Variants in EFCAB6 observed in about 807,000 individuals in gnomAD.
The protein encoded by EFCAB6 is EF-hand calcium-binding domain-containing protein 6.
In EFCAB6, 156 loss-of-function variants were observed where a neutral mutation model predicts 169.8. The observed-to-expected ratio is 0.92, with a 90% CI of 0.81 to 1.05. The LOEUF is 1.05. Ranked by LOEUF, EFCAB6 falls within the 50% of genes least tolerant of loss-of-function variation. The pLI is 0.00. For synonymous variants in EFCAB6, 698 were observed against 676.4 expected (o/e 1.03, Z -0.50); for missense variants, 1,800 against 1,829.1 (o/e 0.98, Z 0.29).
intron 5 of EFCAB6, 94 bp downstream of exon 5, chr22:43,765,211 G>T: frequency 1.2e-6 from 1 of 862,992 alleles, no homozygotes; most frequent in Non-Finnish European, 1.9e-6. Context: ...TCCATATATA[G>T]CTGTTGATAT....
chr22:43,638,881 G>A (rs1022668322), intron 17 of EFCAB6, among the ~76,000 whole-genome samples: 1 of 151,432 alleles, frequency 6.6e-6, no homozygotes, highest in Non-Finnish European at 1.5e-5. Context: ...TGCCTCCCGG[G>A]TTCAAGCTAT....
intron 5 of EFCAB6, among the ~76,000 whole-genome samples, chr22:43,763,720 G>T (rs999859684): frequency 1.1e-4 from 16 of 150,896 alleles, no homozygotes; most frequent in Non-Finnish European, 1.8e-4. Flanking sequence ...GCTTTTGTGG[G>T]TTTTTTTTCA....
At chr22:43,600,325 AGGGTTTGGAAAATGCC>A (rs1054324107) in intron 22 of EFCAB6, 62 bp from the exon 23 acceptor site, 2 of 1,549,460 alleles carry the variant, frequency 1.3e-6, no homozygotes, top group African/African-American at 2.7e-5. Flanking sequence ...GCTGATGCTC[AGGGTTTGGAAAATGCC>A]TGCACCATCC....
intron 18 of EFCAB6, among the ~76,000 whole-genome samples, chr22:43,632,754 C>CT (rs75087612): frequency 0.039 from 5,971 of 152,224 alleles, 137 homozygotes; most frequent in African/African-American, 0.053. Context: ...CCTCCTCTTC[C>CT]AGGAGGAACC....
intron 4 of EFCAB6, among the ~76,000 whole-genome samples, chr22:43,769,731 A>G (rs4823097): frequency 0.88 from 133,520 of 152,102 alleles, 58,652 homozygotes; most frequent in East Asian, 0.99. Flanking sequence ...ATCAAAGCCC[A>G]GAGGAGGATA....
intron 26 of EFCAB6, among the ~76,000 whole-genome samples, chr22:43,576,036 T>C (rs567275449): frequency 1.3e-5 from 2 of 152,314 alleles, no homozygotes; most frequent in Non-Finnish European, 2.9e-5. Flanking sequence ...CTTAGAATGC[T>C]AAATCAACCA....
chr22:43,729,574 T>C (rs2059860910), intron 8 of EFCAB6, among the ~76,000 whole-genome samples: 1 of 152,084 alleles, frequency 6.6e-6, no homozygotes, highest in Admixed American at 6.6e-5. Context: ...CAGGAGTGGA[T>C]AGTGAAGGAA....
chr22:43,731,230 C>G (rs1422691638), intron 8 of EFCAB6, among the ~76,000 whole-genome samples: 1 of 152,164 alleles, frequency 6.6e-6, no homozygotes, highest in Non-Finnish European at 1.5e-5. Context: ...AAGGTTATGT[C>G]TAATGACCTG....
intron 19 of EFCAB6, among the ~76,000 whole-genome samples, chr22:43,630,642 G>A (rs1034695904): frequency 2.6e-5 from 4 of 152,210 alleles, no homozygotes; most frequent in East Asian, 1.9e-4. Context: ...AGGCCCTGCC[G>A]ACCAGCACAG....
At chr22:43,775,771 C>T (rs1303761670) in intron 3 of EFCAB6, among the ~76,000 whole-genome samples, 2 of 152,218 alleles carry the variant, frequency 1.3e-5, no homozygotes, top group Non-Finnish European at 2.9e-5. Flanking sequence ...GATGCTCACA[C>T]ACAGACACCA....
chr22:43,685,122 G>T (rs528099702), intron 11 of EFCAB6, among the ~76,000 whole-genome samples: 1 of 152,332 alleles, frequency 6.6e-6, no homozygotes, highest in African/African-American at 2.4e-5. Flanking sequence ...CATCATGTTA[G>T]GTGGAACTAC....
At chr22:43,565,928 G>C (rs903578111) in intron 26 of EFCAB6, among the ~76,000 whole-genome samples, 1 of 149,642 alleles carries the variant, frequency 6.7e-6, no homozygotes. Context: ...GATTAGCAAA[G>C]AAATTAATTG....
At position 43,795,898 on chromosome 22, in the gene EFCAB6, CCA is replaced by C. The variant is rs1005159628; in HGVS notation, c.-8+13095_-8+13096del. 6.6e-6 allele frequency among the ~76,000 whole-genome samples: 1 copy of C among 150,834 alleles called. No homozygotes were observed. The highest frequency in any genetic ancestry group is 2.5e-5 in the African/African-American group (1 of 40,802). On this transcript the variant is annotated intron_variant, in intron 2 of 31. Coordinates refer to ENST00000262726, the MANE Select transcript of EFCAB6 (RefSeq NM_022785.4). The surrounding 1 kb of genome is among the most constrained non-coding windows in gnomAD (Gnocchi z 4.2). ...AGTCACCACACACAATACACACTCACCACACATACACCACACACACACACACC... is the reference window on the plus strand; with the variant it reads ...AGTCACCACACACAATACACACTCACCACATACACCACACACACACACACC...
chr22:43,612,094 T>C (rs2053352839), intron 21 of EFCAB6, among the ~76,000 whole-genome samples: 1 of 152,206 alleles, frequency 6.6e-6, no homozygotes, highest in African/African-American at 2.4e-5. Context: ...GGTGCTGGGA[T>C]AACTGGCTAA....
chr22:43,785,956 A>C (rs963870713), intron 2 of EFCAB6, among the ~76,000 whole-genome samples: 1 of 152,356 alleles, frequency 6.6e-6, no homozygotes, highest in African/African-American at 2.4e-5. Flanking sequence ...AAAAACAGAA[A>C]TCTAGATAGA....
At chr22:43,636,282 G>T (rs780839429) in intron 17 of EFCAB6, among the ~76,000 whole-genome samples, 1 of 152,200 alleles carries the variant, frequency 6.6e-6, no homozygotes, top group African/African-American at 2.4e-5. Flanking sequence ...AGTTCCAGGT[G>T]GTGGAGCAGT....
rs375508858 is a variant in EFCAB6 at position 43,784,609 on chromosome 22, ATGTG to A, written c.-7-2288_-7-2285del. ...TATATATGTATATATACACATATAT[ATGTG>A]TATATATACACATATATATGTATAT... On this transcript the variant is annotated intron_variant, in intron 2 of 31. Transcript: ENST00000262726. Among the ~76,000 whole-genome samples the A allele has an allele frequency of 1.2e-3, 114 of 97,146 alleles. 3 individuals carry two copies. Among genetic ancestry groups the A allele is most frequent in the African/African-American group, 4.4e-3 (111 of 24,998 alleles). 63.7% of individuals were successfully genotyped at this position (97,146 alleles called of 152,430 possible).
chr22:43,697,086 A>G (rs2058602576), intron 10 of EFCAB6, among the ~76,000 whole-genome samples: 1 of 152,242 alleles, frequency 6.6e-6, no homozygotes, highest in Non-Finnish European at 1.5e-5. Context: ...TCAAAACACA[A>G]TGAGAAGCTG....
At chr22:43,696,849 A>G (rs2058594185) in intron 10 of EFCAB6, among the ~76,000 whole-genome samples, 1 of 152,208 alleles carries the variant, frequency 6.6e-6, no homozygotes. Context: ...AGGGCTATGA[A>G]GTGTTTTAAA....
Sources: gnomAD v4.1 joint callset for allele counts (sites outside exome capture counted in the v4.1 genomes callset) on GRCh38, gnomAD v4.1.1 for gene constraint, Gnocchi (gnomAD v3.1) non-coding constraint, MANE v1.5 for transcripts, NCBI Gene and HGNC (gene_info 2026-07-23, HGNC 2026-07-21) for gene names.